Variants in CBLIF observed in about 807,000 individuals in gnomAD.
CBLIF encodes cobalamin binding intrinsic factor.
A neutral mutation model predicts 44.9 loss-of-function variants in CBLIF; 24 were observed. The ratio of observed to expected loss-of-function variants is 0.53; its 90% CI spans 0.39 to 0.75. The LOEUF is 0.75. CBLIF is among the 30% of genes least tolerant of loss of function. The pLI is 0.00. For missense variants in CBLIF, 481 were observed against 513.0 expected, an observed-to-expected ratio of 0.94 and a Z score of 0.60; for synonymous variants, 183 against 190.9, an observed-to-expected ratio of 0.96 and a Z score of 0.34.
chr11:59,832,664 AAAATAAAT>A (rs955054925), intron 7 of CBLIF, among the ~76,000 whole-genome samples: 3 of 151,990 alleles, frequency 2.0e-5, no homozygotes, highest in African/African-American at 7.2e-5. Context: ...ACCTGATCTC[AAAATAAAT>A]AAATAAATAA....
At position 59,842,577 on chromosome 11, in the gene CBLIF, T is replaced by C. The variant is rs758942413; in HGVS notation, c.377A>G (p.Asn126Ser). The C allele has an allele frequency of 1.6e-5, 26 of 1,613,858 alleles. No homozygotes were observed. The highest frequency in any genetic ancestry group is 2.2e-5 in the Non-Finnish European group (26 of 1,179,932). Residue 126 changes from asparagine (N) to serine (S), a missense_variant, in exon 4 of 9, where the codon AAC becomes AGC. Coordinates refer to ENST00000257248, the MANE Select transcript of CBLIF (RefSeq NM_005142.3). ...CCCATAGAAGGCTGATGCTTCAGCG[T>C]TGGGGCCTCCGAAGGGGATAGAGAA... ...QMENWAPSSP[N>S]AEASAFYGPS...
chr11:59,833,941 A>G (rs1796771961), intron 7 of CBLIF, among the ~76,000 whole-genome samples: 1 of 152,228 alleles, frequency 6.6e-6, no homozygotes, highest in African/African-American at 2.4e-5. Flanking sequence ...GAACATGAGC[A>G]TCAGATTCAG....
At chr11:59,840,967 T>C in intron 5 of CBLIF, 176 bp downstream of exon 5, 2 of 653,206 alleles carry the variant, frequency 3.1e-6, no homozygotes, top group South Asian at 3.4e-5. Context: ...AGGGAGGAAT[T>C]AACACTTACC....
intron 2 of CBLIF, among the ~76,000 whole-genome samples, chr11:59,843,529 TTAGTAGTAG>T (rs1866566327): frequency 6.6e-6 from 1 of 152,182 alleles, no homozygotes; most frequent in South Asian, 2.1e-4. Flanking sequence ...ATCATTGCTA[TTAGTAGTAG>T]TAGGGTTATT....
intron 5 of CBLIF, among the ~76,000 whole-genome samples, chr11:59,840,558 G>A (rs954193979): frequency 1.3e-5 from 2 of 152,188 alleles, no homozygotes; most frequent in Non-Finnish European, 2.9e-5. Flanking sequence ...ATCCAAGCCT[G>A]GGAATGCATG....
Position 59,844,075 on chromosome 11 carries a change from T to C in CBLIF, c.80-20A>G. ...GAACGGCTGAGAAGAGGAAAGCCAT[T>C]TACTCACCTTCTAACCCTCATTCCT... On this transcript the variant is annotated intron_variant, in intron 1 of 8. Coordinates refer to ENST00000257248, the MANE Select transcript of CBLIF (RefSeq NM_005142.3). The C allele has an allele frequency of 6.3e-7, 1 of 1,588,574 alleles. No homozygotes were observed. Among genetic ancestry groups the C allele is most frequent in the Non-Finnish European group, 8.6e-7 (1 of 1,156,594 alleles).
At chr11:59,844,091 C>T (rs1866576142) in intron 1 of CBLIF, 36 bp from the exon 2 acceptor site, 2 of 1,507,924 alleles carry the variant, frequency 1.3e-6, no homozygotes, top group Non-Finnish European at 1.8e-6. Context: ...ACCTTCTAAC[C>T]CTCATTCCTT....
intron 5 of CBLIF, 88 bp downstream of exon 5, chr11:59,841,055 A>C: frequency 2.4e-5 from 23 of 952,414 alleles, no homozygotes; most frequent in Non-Finnish European, 3.5e-5. Flanking sequence ...GGACTTTCAC[A>C]GAGATGTTAG....
At chr11:59,840,538 A>G (rs1866510807) in intron 5 of CBLIF, among the ~76,000 whole-genome samples, 1 of 152,210 alleles carries the variant, frequency 6.6e-6, no homozygotes, top group African/African-American at 2.4e-5. Context: ...TACCAAACAC[A>G]TCTTACAGAA....
rs766117701 is a variant in CBLIF, at chr11:59,842,457, G to A, written c.497C>T (p.Ser166Phe). ...GACCTACTCACCTACATTGAAGGGA[G>A]AGGAGTTGGCCAGCAGGGTCTTGGC... ...RFAKTLLANS[S>F]PFNVDTGAMA... The change falls in exon 4 of 9, where the codon TCT becomes TTT. Residue 166 changes from serine to phenylalanine, a missense_variant. By Grantham distance (155) the Ser-to-Phe change is radical (BLOSUM62 -2). Transcript: ENST00000257248. 3.0e-5 allele frequency: 48 copies of A among 1,613,776 alleles called. No individual in the cohort carries two copies. Among genetic ancestry groups the A allele is most frequent in the Non-Finnish European group, 3.6e-5 (43 of 1,180,034 alleles).
At chr11:59,836,213 G>A (rs1866454999) in intron 6 of CBLIF, among the ~76,000 whole-genome samples, 1 of 152,186 alleles carries the variant, frequency 6.6e-6, no homozygotes, top group Non-Finnish European at 1.5e-5. Context: ...ACATCACTGG[G>A]AAGCAGCCTA....
In CBLIF at chr11:59,842,595, A is replaced by C; in HGVS notation, c.371-12T>G. 6.2e-7 allele frequency: 1 copy of C among 1,612,750 alleles called. No homozygotes were observed. Among genetic ancestry groups the C allele is most frequent in the Non-Finnish European group, 8.5e-7 (1 of 1,178,804 alleles). On this transcript the variant is annotated splice_polypyrimidine_tract_variant and intron_variant, in intron 3 of 8. Coordinates refer to ENST00000257248, the MANE Select transcript of CBLIF (RefSeq NM_005142.3). ...TTCAGCGTTGGGGCCTCCGAAGGGGATAGAGAACCTTCATCAGACTCACAG... is the reference window on the plus strand; with the variant it reads ...TTCAGCGTTGGGGCCTCCGAAGGGGCTAGAGAACCTTCATCAGACTCACAG...
intron 5 of CBLIF, 150 bp downstream of exon 5, chr11:59,840,993 G>C: frequency 1.4e-6 from 1 of 721,474 alleles, no homozygotes; most frequent in Non-Finnish European, 2.5e-6. Context: ...TTTACCAGTA[G>C]AGAAACTGAG....
intron 6 of CBLIF, among the ~76,000 whole-genome samples, chr11:59,836,744 ATACT>A (rs1866460519): frequency 6.6e-6 from 1 of 152,164 alleles, no homozygotes; most frequent in Admixed American, 6.6e-5. Context: ...CTTCTATTTA[ATACT>A]TACTCGATTG....
At chr11:59,830,533 G>A (rs1866361212) in intron 8 of CBLIF, among the ~76,000 whole-genome samples, 1 of 152,016 alleles carries the variant, frequency 6.6e-6, no homozygotes, top group Non-Finnish European at 1.5e-5. Context: ...AATTCTGGGT[G>A]TTTAAAAAAT....
intron 5 of CBLIF, among the ~76,000 whole-genome samples, chr11:59,840,332 T>C (rs1866507459): frequency 6.6e-6 from 1 of 152,172 alleles, no homozygotes; most frequent in African/African-American, 2.4e-5. Flanking sequence ...CTGGTCCTAT[T>C]AATCCCCATA....
At chr11:59,832,463 C>T (rs920684359) in intron 7 of CBLIF, among the ~76,000 whole-genome samples, 6 of 152,040 alleles carry the variant, frequency 3.9e-5, no homozygotes, top group African/African-American at 1.4e-4. Context: ...CAAATGTACC[C>T]CAAACTTAAA....
chr11:59,829,381 T>C lies in CBLIF; in HGVS notation c.*103A>G. ...CTCCATGTTTTTACCAGGAATATGG[T>C]AGCATCACAGGCATTCGCTTTTTTG... On this transcript the variant is annotated 3_prime_UTR_variant, in exon 9 of 9. Coordinates refer to ENST00000257248, the MANE Select transcript of CBLIF (RefSeq NM_005142.3). The C allele has an allele frequency of 1.3e-6, 1 of 760,112 alleles. No individual in the cohort carries two copies. Among genetic ancestry groups the C allele is most frequent in the South Asian group, 1.4e-5 (1 of 70,178 alleles). The allele number at this position is 760,112 out of a possible 1,614,324, so 47.1% of individuals were successfully genotyped here. A position where few individuals can be genotyped will look rare whatever the true frequency, so the allele number is the denominator to read the frequency against.
At position 59,841,273 on chromosome 11, in the gene CBLIF, G is replaced by A; in HGVS notation, c.563C>T (p.Pro188Leu). 2 of 1,613,844 alleles carry A rather than the reference G, an allele frequency of 1.2e-6. No homozygotes were observed. Among genetic ancestry groups the A allele is most frequent in the Non-Finnish European group, 1.7e-6 (2 of 1,179,698 alleles). The change falls in exon 5 of 9, where the codon CCT becomes CTT. Residue 188 changes from proline (P) to leucine (L), a missense_variant. By Grantham distance (98) the Pro-to-Leu change is moderately conservative. Transcript: ENST00000257248. ...TCTGTAACCTTCCTCTGAACCTACAGGGATCTTGTTGTACATACAGGTCAG... is the reference window on the plus strand; with the variant it reads ...TCTGTAACCTTCCTCTGAACCTACAAGGATCTTGTTGTACATACAGGTCAG... ...LALTCMYNKI[P>L]VGSEEGYRSL...
Sources: allele counts gnomAD v4.1 joint callset (sites outside exome capture counted in the v4.1 genomes callset), GRCh38; gene constraint gnomAD v4.1.1; transcripts MANE v1.5; gene names NCBI Gene and HGNC (gene_info 2026-07-23, HGNC 2026-07-21).